AVEN: variants seen among roughly 807,000 people sequenced by gnomAD.
AVEN encodes cell death regulator Aven.
Under a neutral mutation model 38.1 loss-of-function variants are expected in AVEN, and 41 were observed. The ratio of observed to expected loss-of-function variants is 1.08; its 90% CI spans 0.84 to 1.40. The LOEUF (loss-of-function observed/expected upper bound fraction) is 1.40, where lower values mean the gene tolerates loss of function less well. Among genes scored for constraint, AVEN ranks in the 40% most tolerant of loss-of-function variants. The pLI is 0.00. For missense variants in AVEN, 605 were observed against 438.8 expected (o/e 1.38, Z -3.38); for synonymous variants, 206 against 171.8 (o/e 1.20, Z -1.56).
At chr15:33,857,953 C>T (rs370470086), downstream of AVEN, 50 of 1,532,014 alleles carry the variant, frequency 3.3e-5, no homozygotes, top group Middle Eastern at 3.7e-4. Flanking sequence ...CCACCCACTG[C>T]GGGGCCACCC....
intron 2 of AVEN, among the ~76,000 whole-genome samples, chr15:33,971,336 G>A (rs1895629912): frequency 6.6e-6 from 1 of 151,972 alleles, no homozygotes; most frequent in South Asian, 2.1e-4. Flanking sequence ...TGTATCATTA[G>A]TTCCTTTCAT....
At chr15:34,003,630 A>AT (rs1897223229) in intron 1 of AVEN, among the ~76,000 whole-genome samples, 1 of 152,190 alleles carries the variant, frequency 6.6e-6, no homozygotes, top group Admixed American at 6.5e-5. Context: ...GCTTTATTTA[A>AT]TTTTTTAGAG....
At chr15:33,979,249 C>T (rs76871612) in intron 2 of AVEN, among the ~76,000 whole-genome samples, 1,588 of 152,236 alleles carry the variant, frequency 0.01, 26 homozygotes, top group African/African-American at 0.028. Context: ...TGGCCAGGCA[C>T]GGTGTCCCAT....
intron 2 of AVEN, among the ~76,000 whole-genome samples, chr15:33,920,775 C>CA (rs1555507234): frequency 5.3e-5 from 8 of 150,992 alleles, no homozygotes; most frequent in African/African-American, 1.7e-4. Context: ...AATATACTTC[C>CA]TTTTTTTTTA....
chr15:33,912,064 G>A (rs1892937642), intron 2 of AVEN, among the ~76,000 whole-genome samples: 1 of 152,232 alleles, frequency 6.6e-6, no homozygotes, highest in Admixed American at 6.5e-5. Flanking sequence ...GAAACAGCAT[G>A]AGGTAATAGA....
chr15:33,960,646 A>G (rs1319074053), intron 2 of AVEN, among the ~76,000 whole-genome samples: 1 of 152,272 alleles, frequency 6.6e-6, no homozygotes, highest in Non-Finnish European at 1.5e-5. Context: ...CAATGTCTAC[A>G]GCTGACACAG....
intron 1 of AVEN, among the ~76,000 whole-genome samples, chr15:34,034,359 T>C (rs912386608): frequency 2.0e-5 from 3 of 151,748 alleles, no homozygotes; most frequent in East Asian, 3.9e-4. Flanking sequence ...GAGGATCCCT[T>C]GAGTACAGCA....
intron 2 of AVEN, among the ~76,000 whole-genome samples, chr15:33,940,939 C>T (rs1369951178): frequency 6.6e-6 from 1 of 152,208 alleles, no homozygotes; most frequent in Admixed American, 6.5e-5. Flanking sequence ...GCTCTAAATG[C>T]TTCCTAATCC....
chr15:33,999,686 C>T (rs891931674), intron 2 of AVEN, among the ~76,000 whole-genome samples: 1 of 152,180 alleles, frequency 6.6e-6, no homozygotes, highest in Non-Finnish European at 1.5e-5. Flanking sequence ...CTGCTCTCCT[C>T]TGGACCCAGC....
chr15:33,924,346 G>C (rs1893529896), intron 2 of AVEN, among the ~76,000 whole-genome samples: 1 of 129,472 alleles, frequency 7.7e-6, no homozygotes, highest in Non-Finnish European at 1.7e-5. Context: ...CTCCAGCCTA[G>C]GTGACAGAGC....
chr15:33,873,473 G>C (rs1891085679), intron 3 of AVEN, among the ~76,000 whole-genome samples: 1 of 147,772 alleles, frequency 6.8e-6, no homozygotes, highest in African/African-American at 2.5e-5. Context: ...TTACATATAT[G>C]TGTGTGTGTA....
At position 33,866,230 on chromosome 15, in the gene AVEN, A is replaced by C. The variant is rs910243142; in HGVS notation, c.*383T>G. ...ACACAAGAAAGGAAAGGAAAACTGG[A>C]CAGACCAGCATTTGTTTATTTTGGC... On this transcript the variant is annotated 3_prime_UTR_variant, in exon 6 of 6. Coordinates refer to ENST00000306730, the MANE Select transcript of AVEN (RefSeq NM_020371.3). The C allele has an allele frequency of 2.1e-5, 4 of 192,624 alleles. No individual in the cohort carries two copies. The highest frequency in any genetic ancestry group is 4.3e-5 in the Non-Finnish European group (4 of 93,004). The allele number at this position is 192,624 out of a possible 1,614,324, so 11.9% of individuals were successfully genotyped here.
chr15:34,029,070 C>T (rs776507901), intron 1 of AVEN, among the ~76,000 whole-genome samples: 2 of 152,094 alleles, frequency 1.3e-5, no homozygotes, highest in Admixed American at 1.3e-4. Flanking sequence ...AGAGATTCCC[C>T]TCTGCAGACG....
At chr15:33,854,284 T>C (rs1228043391), downstream of AVEN, 6 of 817,898 alleles carry the variant, frequency 7.3e-6, no homozygotes, top group African/African-American at 3.5e-5. Context: ...GAGAGCCATA[T>C]TTAGGTTATT....
chr15:34,075,003 C>A (rs1459018565), exon 1 of AVEN, among the ~76,000 whole-genome samples: 3 of 151,756 alleles, frequency 2.0e-5, no homozygotes, highest in Non-Finnish European at 4.4e-5. Context: ...ACGGTGAAAC[C>A]TTGTCTCTAC....
At chr15:33,961,243 C>G (rs1448171158) in intron 2 of AVEN, among the ~76,000 whole-genome samples, 1 of 152,198 alleles carries the variant, frequency 6.6e-6, no homozygotes, top group East Asian at 1.9e-4. Context: ...TCAAGCAATT[C>G]TCCTGCCTCA....
At chr15:33,982,230 C>A (rs540574879) in intron 2 of AVEN, among the ~76,000 whole-genome samples, 5 of 152,164 alleles carry the variant, frequency 3.3e-5, no homozygotes, top group African/African-American at 1.2e-4. Flanking sequence ...AGAGCTGCAT[C>A]TGCAGCTCTG....
chr15:33,881,478 G>A (rs1305765935), intron 2 of AVEN, among the ~76,000 whole-genome samples: 1 of 152,182 alleles, frequency 6.6e-6, no homozygotes, highest in Non-Finnish European at 1.5e-5. Context: ...CTGCAGCCAT[G>A]ACCTCTGAGG....
At chr15:33,878,548 T>G (rs1891349503) in intron 2 of AVEN, among the ~76,000 whole-genome samples, 1 of 152,086 alleles carries the variant, frequency 6.6e-6, no homozygotes, top group Non-Finnish European at 1.5e-5. Context: ...ATCATAACAC[T>G]ATTACAAGAA....
Sources: gnomAD v4.1 joint callset for allele counts (sites outside exome capture counted in the v4.1 genomes callset) on GRCh38, gnomAD v4.1.1 for gene constraint, MANE v1.5 for transcripts, NCBI Gene and HGNC (gene_info 2026-07-23, HGNC 2026-07-21) for gene names.